The following PDGFC variants were observed in gnomAD, a reference collection of about 807,000 sequenced individuals.
The protein encoded by PDGFC is platelet derived growth factor C.
PDGFC carries 12 observed loss-of-function variants against 35.5 expected under a neutral mutation model. The ratio of observed to expected loss-of-function variants is 0.34; its 90% confidence interval spans 0.22 to 0.55. PDGFC has a LOEUF of 0.55. PDGFC is among the 20% of genes least tolerant of loss of function. The pLI is 0.91. For missense variants in PDGFC, 322 were observed against 412.4 expected (o/e 0.78, Z 1.90); for synonymous variants, 159 against 148.8 (o/e 1.07, Z -0.50).
chr4:156,805,152 T>C (rs956515533), intron 3 of PDGFC, among the ~76,000 whole-genome samples: 3 of 152,022 alleles, frequency 2.0e-5, no homozygotes, highest in African/African-American at 7.2e-5. Context: ...TATTAAGCAA[T>C]TCTTAGCCAA....
At chr4:156,895,441 T>A (rs1021805282) in intron 1 of PDGFC, among the ~76,000 whole-genome samples, 2 of 152,086 alleles carry the variant, frequency 1.3e-5, no homozygotes, top group Admixed American at 6.6e-5. Flanking sequence ...AAGATCAGCC[T>A]GGCCAACATG....
At chr4:156,901,487 A>C (rs1730781842) in intron 1 of PDGFC, among the ~76,000 whole-genome samples, 3 of 152,176 alleles carry the variant, frequency 2.0e-5, no homozygotes, top group Admixed American at 1.3e-4. Flanking sequence ...AGAGTACATG[A>C]CATACAGCAA....
At chr4:156,968,006 C>T (rs1732505428) in intron 1 of PDGFC, among the ~76,000 whole-genome samples, 1 of 152,250 alleles carries the variant, frequency 6.6e-6, no homozygotes. Flanking sequence ...AATGGTAGGT[C>T]AAAAACCAGA....
chr4:156,774,209 G>A (rs924732902), intron 3 of PDGFC, among the ~76,000 whole-genome samples: 1 of 152,076 alleles, frequency 6.6e-6, no homozygotes, highest in Non-Finnish European at 1.5e-5. Context: ...ACTCTAATCT[G>A]CTACTCATCA....
At chr4:156,964,747 G>C (rs1732425809) in intron 1 of PDGFC, among the ~76,000 whole-genome samples, 1 of 152,112 alleles carries the variant, frequency 6.6e-6, no homozygotes, top group African/African-American at 2.4e-5. Context: ...TAGTGGCCTT[G>C]ACAAAGTCAA....
At chr4:156,902,531 CAT>C (rs758443017) in intron 1 of PDGFC, among the ~76,000 whole-genome samples, 99 of 152,308 alleles carry the variant, frequency 6.5e-4, no homozygotes, top group African/African-American at 1.9e-3. Flanking sequence ...CATGTTTCCA[CAT>C]GTTACATAAA....
intron 1 of PDGFC, among the ~76,000 whole-genome samples, chr4:156,931,961 T>A (rs1312007199): frequency 1.3e-5 from 2 of 152,150 alleles, no homozygotes; most frequent in Non-Finnish European, 2.9e-5. Context: ...TTAAAGAGCA[T>A]CTGCAATACT....
At chr4:156,943,693 T>A (rs575748351) in intron 1 of PDGFC, among the ~76,000 whole-genome samples, 1 of 152,196 alleles carries the variant, frequency 6.6e-6, no homozygotes, top group East Asian at 1.9e-4. Context: ...GCAGAGAAAC[T>A]AAAATCTATT....
chr4:156,811,091 G>C, intron 2 of PDGFC, 74 bp from the exon 3 acceptor site: 1 of 978,502 alleles, frequency 1.0e-6, no homozygotes, highest in Non-Finnish European at 1.5e-6. Context: ...TCATGTCTGT[G>C]GGTGCTATGA....
chr4:156,893,330 T>C lies in PDGFC; in HGVS notation c.119-42914A>G, dbSNP rs976977190. Reference sequence around the variant, plus strand: ...TAGACGCAACAAGTAAAAAATGCTCTAACTAGATTTTTTTTTTTTTTAAGA... The same window carrying C: ...TAGACGCAACAAGTAAAAAATGCTCCAACTAGATTTTTTTTTTTTTTAAGA... On this transcript the variant is annotated intron_variant, in intron 1 of 5. Coordinates refer to ENST00000502773, the MANE Select transcript of PDGFC (RefSeq NM_016205.3). Among the ~76,000 whole-genome samples the C allele has an allele frequency of 6.5e-5, 8 of 123,420 alleles. No individual in the cohort carries two copies. In the South Asian group the frequency reaches 1.4e-3, roughly 22 times the overall value. 81.0% of individuals were successfully genotyped at this position (123,420 alleles called of 152,430 possible). A position where few individuals can be genotyped will look rare whatever the true frequency, so the allele number is the denominator to read the frequency against.
chr4:156,883,841 G>A (rs888935771), intron 1 of PDGFC, among the ~76,000 whole-genome samples: 3 of 152,018 alleles, frequency 2.0e-5, no homozygotes, highest in East Asian at 3.9e-4. Context: ...TACCTGAGGG[G>A]GGTCACTTAG....
chr4:156,826,188 T>A (rs1328513060), intron 2 of PDGFC, among the ~76,000 whole-genome samples: 5 of 107,488 alleles, frequency 4.7e-5, no homozygotes, highest in South Asian at 7.1e-4. Context: ...TTTTTTTTTT[T>A]TTTTTTTTTT....
At chr4:156,832,249 CTTTCTTTTTTTTTT>C (rs1728952856) in intron 2 of PDGFC, among the ~76,000 whole-genome samples, 1 of 139,662 alleles carries the variant, frequency 7.2e-6, no homozygotes, top group Non-Finnish European at 1.6e-5. Flanking sequence ...TTCTTTCTTT[CTTTCTTTTTTTTTT>C]TTTTTTTTTT....
Position 156,923,002 on chromosome 4 carries a change from C to T in PDGFC, c.118+47784G>A, listed in dbSNP as rs1560874842. Among the ~76,000 whole-genome samples the T allele has an allele frequency of 2.0e-5, 3 of 152,110 alleles. No homozygotes were observed. In the East Asian group the frequency reaches 5.8e-4, roughly 29 times the overall value. ...CCTTTACTCCAGATTTTTATGCTTGCCCACGTTATATAGTCTCTACACAAA... is the reference window on the plus strand; with the variant it reads ...CCTTTACTCCAGATTTTTATGCTTGTCCACGTTATATAGTCTCTACACAAA... On this transcript the variant is annotated intron_variant, in intron 1 of 5. Coordinates refer to ENST00000502773, the MANE Select transcript of PDGFC (RefSeq NM_016205.3).
At position 156,760,577 on chromosome 4, in the gene PDGFC, T is replaced by TA. The variant is rs1730352109; in HGVS notation, c.*2512dup. 6.6e-6 allele frequency: 1 copy of TA among 152,168 alleles called. No individual in the cohort carries two copies. The highest frequency in any genetic ancestry group is 2.4e-5 in the African/African-American group (1 of 41,444). The allele number at this position is 152,168 out of a possible 1,614,324, so 9.4% of individuals were successfully genotyped here. ...GTGTGTGGTCAATACAGTCAATACT[T>TA]ACTGTACTTCTCAGAAATTAGGGTC... On this transcript the variant is annotated 3_prime_UTR_variant, in exon 6 of 6. Coordinates refer to ENST00000502773, the MANE Select transcript of PDGFC (RefSeq NM_016205.3).
intron 1 of PDGFC, among the ~76,000 whole-genome samples, chr4:156,966,739 A>G (rs1732475553): frequency 6.6e-6 from 1 of 152,210 alleles, no homozygotes; most frequent in Admixed American, 6.5e-5. Context: ...AGGGAAGTTT[A>G]ATGTCCAATC....
intron 1 of PDGFC, among the ~76,000 whole-genome samples, chr4:156,966,473 T>C (rs1483453490): frequency 6.6e-6 from 1 of 152,134 alleles, no homozygotes; most frequent in Middle Eastern, 3.2e-3. Context: ...ATGAAATTTA[T>C]GAATGTCTTA....
intron 1 of PDGFC, among the ~76,000 whole-genome samples, chr4:156,948,016 G>A (rs1012315325): frequency 6.6e-6 from 1 of 151,868 alleles, no homozygotes; most frequent in African/African-American, 2.4e-5. Context: ...CACACACTGT[G>A]GATGGTGTGC....
chr4:156,826,109 C>T (rs1732465222), intron 2 of PDGFC, among the ~76,000 whole-genome samples: 2 of 150,264 alleles, frequency 1.3e-5, no homozygotes, highest in East Asian at 3.9e-4. Flanking sequence ...AAGCAATCCT[C>T]CCACATTGGC....
Sources: allele counts gnomAD v4.1 joint callset (sites outside exome capture counted in the v4.1 genomes callset), GRCh38; gene constraint gnomAD v4.1.1; transcripts MANE v1.5; gene names NCBI Gene and HGNC (gene_info 2026-07-23, HGNC 2026-07-21).